GUCY1A1: variants seen among roughly 807,000 people sequenced by gnomAD.
The protein encoded by GUCY1A1 is guanylate cyclase 1 soluble subunit alpha 1.
A neutral mutation model predicts 64.5 loss-of-function variants in GUCY1A1; 48 were observed. The ratio of observed to expected loss-of-function variants is 0.74; its 90% CI spans 0.59 to 0.95. The LOEUF is 0.95. GUCY1A1 is among the 40% of genes least tolerant of loss of function. GUCY1A1 has a pLI of 0.00. For missense variants in GUCY1A1, 804 were observed against 825.3 expected, an observed-to-expected ratio of 0.97 and a Z score of 0.32; for synonymous variants, 308 against 303.4, an observed-to-expected ratio of 1.02 and a Z score of -0.16.
chr4:155,730,402 G>T lies in GUCY1A1; in HGVS notation c.*171G>T. ...TGACAAAATGTATGTACTCACTTCA[G>T]TACTTCAGCTCTTCAAGAAAAAAAA... On this transcript the variant is annotated 3_prime_UTR_variant, in exon 10 of 10. Transcript: ENST00000506455. 2.5e-5 allele frequency: 11 copies of T among 434,946 alleles called. No homozygotes were observed. The highest frequency in any genetic ancestry group is 1.6e-4 in the South Asian group (3 of 18,734). 26.9% of individuals were successfully genotyped at this position (434,946 alleles called of 1,614,324 possible).
chr4:155,720,039 A>G (rs1733755829), intron 8 of GUCY1A1, among the ~76,000 whole-genome samples: 1 of 152,162 alleles, frequency 6.6e-6, no homozygotes, highest in African/African-American at 2.4e-5. Flanking sequence ...TCTGTAAGAA[A>G]ATGTTAGGGT....
intron 2 of GUCY1A1, among the ~76,000 whole-genome samples, chr4:155,680,929 ACACACACACACACACACATG>A (rs1351139134): frequency 3.5e-5 from 5 of 144,314 alleles, no homozygotes; most frequent in Admixed American, 7.1e-5. Context: ...GGATACACAC[ACACACACACACACACACATG>A]CACACACACA....
intron 2 of GUCY1A1, among the ~76,000 whole-genome samples, chr4:155,676,027 A>G (rs1179672395): frequency 6.6e-6 from 1 of 151,532 alleles, no homozygotes; most frequent in African/African-American, 2.4e-5. Flanking sequence ...CCTGGAGTCA[A>G]TAAGATGCCT....
At chr4:155,682,860 A>T (rs183409545) in intron 2 of GUCY1A1, among the ~76,000 whole-genome samples, 1 of 152,172 alleles carries the variant, frequency 6.6e-6, no homozygotes, top group Non-Finnish European at 1.5e-5. Flanking sequence ...TGTATTTCCA[A>T]TAAGCAAGAC....
At chr4:155,673,779 C>A (rs1025630010) in intron 2 of GUCY1A1, among the ~76,000 whole-genome samples, 5 of 151,318 alleles carry the variant, frequency 3.3e-5, no homozygotes, top group African/African-American at 7.4e-5. Context: ...TCCCCTTGTT[C>A]AATCTTTGTG....
chr4:155,685,568 G>A (rs1458373324), intron 2 of GUCY1A1, among the ~76,000 whole-genome samples: 3 of 148,132 alleles, frequency 2.0e-5, no homozygotes, highest in Non-Finnish European at 4.4e-5. Flanking sequence ...CGCCTGAACC[G>A]CCTCCATTGA....
At chr4:155,712,483 C>T (rs1214909054) in intron 6 of GUCY1A1, among the ~76,000 whole-genome samples, 1 of 152,110 alleles carries the variant, frequency 6.6e-6, no homozygotes, top group African/African-American at 2.4e-5. Flanking sequence ...CATCTTTGTC[C>T]ACACATGTGC....
chr4:155,695,623 T>G (rs917700030), intron 2 of GUCY1A1, among the ~76,000 whole-genome samples: 2 of 152,188 alleles, frequency 1.3e-5, no homozygotes, highest in African/African-American at 4.8e-5. Context: ...CCTAGTTCAG[T>G]CATTCTCTAG....
chr4:155,730,800 G>A lies in GUCY1A1; in HGVS notation c.*569G>A, dbSNP rs1735460372. ...TTTCTTTTTAGAAAATAAGCAATTA[G>A]GGGTTAGATGCAATATGAATATAAA... On this transcript the variant is annotated 3_prime_UTR_variant, in exon 10 of 10. Transcript: ENST00000506455. 1 of 153,054 alleles carries A rather than the reference G, an allele frequency of 6.5e-6. No homozygotes were observed. The highest frequency in any genetic ancestry group is 2.4e-5 in the African/African-American group (1 of 41,304). 9.5% of individuals were successfully genotyped at this position (153,054 alleles called of 1,614,324 possible). A position where few individuals can be genotyped will look rare whatever the true frequency, so the allele number is the denominator to read the frequency against.
intron 2 of GUCY1A1, among the ~76,000 whole-genome samples, chr4:155,670,954 AGCCTATCTATTTATCCCC>A (rs1375284580): frequency 6.6e-6 from 1 of 152,110 alleles, no homozygotes. Context: ...TTCTAGGTCC[AGCCTATCTATTTATCCCC>A]TTTTGCTATG....
chr4:155,687,348 T>C (rs1301592314), intron 2 of GUCY1A1, among the ~76,000 whole-genome samples: 2 of 152,210 alleles, frequency 1.3e-5, no homozygotes, highest in African/African-American at 2.4e-5. Flanking sequence ...GACTGAAGAC[T>C]TGATCCAAGA....
At chr4:155,709,440 C>T (rs1019449389) in intron 5 of GUCY1A1, among the ~76,000 whole-genome samples, 5 of 152,166 alleles carry the variant, frequency 3.3e-5, no homozygotes, top group African/African-American at 1.2e-4. Flanking sequence ...ATTAATTAAG[C>T]ATACTATTAT....
At position 155,696,987 on chromosome 4, in the gene GUCY1A1, C is replaced by T; in HGVS notation, c.120C>T (p.Cys40=). The change falls in exon 3 of 10, where the codon TGC becomes TGT. Residue 40 remains cysteine (C), a synonymous_variant. Transcript: ENST00000506455. ...SEEAAGSSES[C]KATVPICQDI... ...AGGCAGCAGGAAGCTCAGAGAGCTG[C>T]AAAGCAACCGTGCCCATCTGTCAAG... 1 of 1,613,728 alleles carries T rather than the reference C, an allele frequency of 6.2e-7. No individual in the cohort carries two copies. Among genetic ancestry groups the T allele is most frequent in the East Asian group, 2.2e-5 (1 of 44,876 alleles).
At chr4:155,693,750 C>G (rs1370078523) in intron 2 of GUCY1A1, among the ~76,000 whole-genome samples, 1 of 152,094 alleles carries the variant, frequency 6.6e-6, no homozygotes. Context: ...CGGCTTATTT[C>G]CTGGAAATTA....
intron 4 of GUCY1A1, among the ~76,000 whole-genome samples, chr4:155,704,645 C>CT (rs1224910512): frequency 1.3e-5 from 2 of 152,102 alleles, no homozygotes; most frequent in Non-Finnish European, 2.9e-5. Context: ...TTTGTTTATA[C>CT]TTTTTTTCTA....
chr4:155,681,335 C>T (rs957608642), intron 2 of GUCY1A1, among the ~76,000 whole-genome samples: 2 of 152,098 alleles, frequency 1.3e-5, no homozygotes, highest in Non-Finnish European at 2.9e-5. Context: ...TTTCTATTTA[C>T]AGAAAGCTAC....
At chr4:155,688,593 G>T (rs923387630) in intron 2 of GUCY1A1, among the ~76,000 whole-genome samples, 5 of 152,116 alleles carry the variant, frequency 3.3e-5, no homozygotes, top group Non-Finnish European at 7.3e-5. Flanking sequence ...AGGTTGGTAG[G>T]TTGGCTTTTC....
At chr4:155,668,706 G>A (rs1733712364) in intron 2 of GUCY1A1, among the ~76,000 whole-genome samples, 1 of 151,974 alleles carries the variant, frequency 6.6e-6, no homozygotes, top group African/African-American at 2.4e-5. Context: ...GATCATTTCA[G>A]GTACCCTATT....
chr4:155,708,233 C>T lies in GUCY1A1; in HGVS notation c.318-3C>T, dbSNP rs1414298445. 1 of 1,394,422 alleles carries T rather than the reference C, an allele frequency of 7.2e-7. No homozygotes were observed. The highest frequency in any genetic ancestry group is 2.3e-5 in the East Asian group (1 of 43,734). 86.4% of individuals were successfully genotyped at this position (1,394,422 alleles called of 1,614,324 possible). On this transcript the variant is annotated splice_region_variant and splice_polypyrimidine_tract_variant and intron_variant, in intron 4 of 9. Coordinates refer to ENST00000506455, the MANE Select transcript of GUCY1A1 (RefSeq NM_001130682.3). The stretch of plus-strand genomic sequence containing the variant: ...ATAACTTAAAATATTGAAATATTTC[C>T]AGGAAATCTTTGGAAAGAGAAGACT...
Sources: gnomAD v4.1 joint callset for allele counts (sites outside exome capture counted in the v4.1 genomes callset) on GRCh38, gnomAD v4.1.1 for gene constraint, MANE v1.5 for transcripts, NCBI Gene and HGNC (gene_info 2026-07-23, HGNC 2026-07-21) for gene names.